The following BMPR1B variants were observed in gnomAD, a reference collection of about 807,000 sequenced individuals.
BMPR1B encodes the protein bone morphogenetic protein receptor type-1B.
A neutral mutation model predicts 59.1 loss-of-function variants in BMPR1B; 12 were observed. The observed-to-expected ratio is 0.20, with a 90% CI of 0.13 to 0.33. The LOEUF is 0.33. Among genes scored for constraint, BMPR1B ranks in the 10% least tolerant of loss-of-function variants. The probability of loss-of-function intolerance (pLI) is 1.00; values close to 1 mark genes in which losing one functional copy is unlikely to be tolerated. For synonymous variants in BMPR1B, 237 were observed against 207.3 expected, an observed-to-expected ratio of 1.14 and a Z score of -1.23; for missense variants, 550 against 610.9, an observed-to-expected ratio of 0.90 and a Z score of 1.05.
chr4:94,770,199 T>TC (rs1722132951), intron 1 of BMPR1B, among the ~76,000 whole-genome samples: 3 of 146,758 alleles, frequency 2.0e-5, no homozygotes, highest in African/African-American at 7.5e-5. Flanking sequence ...TTTTTTTTTT[T>TC]TTTTTGCGAA....
chr4:95,094,760 C>T (rs753406743), intron 3 of BMPR1B, among the ~76,000 whole-genome samples: 1 of 152,054 alleles, frequency 6.6e-6, no homozygotes, highest in Non-Finnish European at 1.5e-5. Flanking sequence ...GCTCAGTGAC[C>T]ATACCTGATA....
chr4:95,119,553 C>T (rs3821964), intron 6 of BMPR1B, among the ~76,000 whole-genome samples: 95,147 of 151,966 alleles, frequency 0.63, 30,053 homozygotes, highest in Middle Eastern at 0.74. Context: ...CCTGTTTGTC[C>T]TGAATGGCTC....
chr4:94,901,949 T>C (rs1284056334), intron 2 of BMPR1B, among the ~76,000 whole-genome samples: 1 of 151,720 alleles, frequency 6.6e-6, no homozygotes, highest in African/African-American at 2.4e-5. Context: ...TATAGTCACA[T>C]AGGTATATAT....
At chr4:95,005,375 G>T (rs1251067959) in intron 3 of BMPR1B, among the ~76,000 whole-genome samples, 3 of 152,246 alleles carry the variant, frequency 2.0e-5, no homozygotes, top group Admixed American at 6.5e-5. Flanking sequence ...TACTGGTTTA[G>T]AAATACCATA....
intron 3 of BMPR1B, among the ~76,000 whole-genome samples, chr4:95,088,816 C>G (rs1051629946): frequency 1.3e-5 from 2 of 151,880 alleles, no homozygotes; most frequent in Non-Finnish European, 2.9e-5. Context: ...TATGAGACTC[C>G]TAGTGAAGAT....
intron 1 of BMPR1B, among the ~76,000 whole-genome samples, chr4:94,869,342 A>G (rs1726388705): frequency 2.0e-5 from 3 of 152,232 alleles, no homozygotes; most frequent in African/African-American, 7.2e-5. Context: ...ACTAAGCACC[A>G]GAAGAAAGTC....
At chr4:95,007,594 A>G (rs1305128825) in intron 3 of BMPR1B, among the ~76,000 whole-genome samples, 4 of 152,216 alleles carry the variant, frequency 2.6e-5, no homozygotes, top group Non-Finnish European at 5.9e-5. Flanking sequence ...TATAAATTAT[A>G]ACTCCTGTTG....
intron 1 of BMPR1B, among the ~76,000 whole-genome samples, chr4:94,866,637 T>C (rs1726256626): frequency 6.6e-6 from 1 of 152,132 alleles, no homozygotes; most frequent in Non-Finnish European, 1.5e-5. Flanking sequence ...CAGGCTGGAG[T>C]GCAGTGGCAT....
intron 3 of BMPR1B, among the ~76,000 whole-genome samples, chr4:95,077,009 G>T (rs572416106): frequency 6.6e-6 from 1 of 152,144 alleles, no homozygotes; most frequent in Non-Finnish European, 1.5e-5. Flanking sequence ...GCATATGCAC[G>T]TGTGTTGTCT....
At chr4:95,116,414 A>AGCGCGCGC (rs746066664) in intron 6 of BMPR1B, among the ~76,000 whole-genome samples, 20 of 74,254 alleles carry the variant, frequency 2.7e-4, no homozygotes, top group Middle Eastern at 7.4e-3. Flanking sequence ...CCATGCTTTC[A>AGCGCGCGC]GCGCGCGCAC....
chr4:94,967,016 G>A (rs1033288966), intron 2 of BMPR1B, among the ~76,000 whole-genome samples: 26 of 152,154 alleles, frequency 1.7e-4, no homozygotes, highest in Non-Finnish European at 1.3e-4. Flanking sequence ...TTCACAAGGG[G>A]AAGCAAGACA....
At chr4:94,843,987 A>C (rs1033185658) in intron 1 of BMPR1B, among the ~76,000 whole-genome samples, 1 of 105,344 alleles carries the variant, frequency 9.5e-6, no homozygotes, top group Admixed American at 8.2e-5. Context: ...AAAGAGTAGA[A>C]TGGTGGTCCC....
chr4:95,038,489 A>C (rs946920273), intron 3 of BMPR1B, among the ~76,000 whole-genome samples: 2 of 152,176 alleles, frequency 1.3e-5, no homozygotes, highest in African/African-American at 2.4e-5. Context: ...TCTAAAAACC[A>C]ACACAAAGAG....
chr4:95,123,556 G>C (rs1162542757), intron 6 of BMPR1B, among the ~76,000 whole-genome samples: 1 of 152,098 alleles, frequency 6.6e-6, no homozygotes, highest in Non-Finnish European at 1.5e-5. Context: ...GTTTTATCCT[G>C]TGTCGAGCCT....
At chr4:94,874,508 A>G (rs2148971316) in intron 1 of BMPR1B, among the ~76,000 whole-genome samples, 1 of 152,272 alleles carries the variant, frequency 6.6e-6, no homozygotes, top group Admixed American at 6.5e-5. Flanking sequence ...ATATAGAAAA[A>G]TATATTTTAT....
At chr4:95,068,957 A>G (rs1050210582) in intron 3 of BMPR1B, among the ~76,000 whole-genome samples, 3 of 152,186 alleles carry the variant, frequency 2.0e-5, no homozygotes, top group African/African-American at 7.2e-5. Context: ...AATTTTTTTC[A>G]TCAGTGTTAT....
intron 10 of BMPR1B, among the ~76,000 whole-genome samples, chr4:95,139,643 C>T (rs961125234): frequency 6.6e-6 from 1 of 152,208 alleles, no homozygotes; most frequent in Non-Finnish European, 1.5e-5. Flanking sequence ...CTCGCTGCCG[C>T]CTTGCAGTTC....
intron 3 of BMPR1B, among the ~76,000 whole-genome samples, chr4:95,029,646 G>C (rs947443727): frequency 3.9e-5 from 6 of 152,060 alleles, no homozygotes; most frequent in African/African-American, 1.4e-4. Flanking sequence ...GGGATGGCTG[G>C]GTCAAATGGT....
intron 2 of BMPR1B, among the ~76,000 whole-genome samples, chr4:94,930,216 T>G (rs1461414246): frequency 6.6e-6 from 1 of 152,084 alleles, no homozygotes; most frequent in Non-Finnish European, 1.5e-5. Context: ...CCTAAATGGA[T>G]TCTCAGAATA....
Sources: allele counts gnomAD v4.1 joint callset (sites outside exome capture counted in the v4.1 genomes callset), GRCh38; gene constraint gnomAD v4.1.1; transcripts MANE v1.5; gene names NCBI Gene and HGNC (gene_info 2026-07-23, HGNC 2026-07-21).